CCDC90B: variants seen among roughly 807,000 people sequenced by gnomAD.
CCDC90B encodes coiled-coil domain-containing protein 90B, mitochondrial.
CCDC90B carries 24 observed loss-of-function variants against 37.0 expected under a neutral mutation model. That is an observed-to-expected ratio of 0.65 (90% CI 0.47 to 0.91). The LOEUF (loss-of-function observed/expected upper bound fraction) is 0.91. Ranked by LOEUF, CCDC90B falls within the 40% of genes least tolerant of loss-of-function variation. The pLI is 0.00. For missense variants in CCDC90B, 319 were observed against 299.0 expected (o/e 1.07, Z -0.49); for synonymous variants, 113 against 101.1 (o/e 1.12, Z -0.71).
chr11:83,266,010 T>G (rs1864244146), intron 7 of CCDC90B, 31 bp from the exon 8 acceptor site: 1 of 1,190,082 alleles, frequency 8.4e-7, no homozygotes, highest in African/African-American at 1.5e-5. Context: ...AGAACTTAAT[T>G]TTGTCCCTAT....
chr11:83,267,545 C>T (rs78782379), intron 7 of CCDC90B: 34 of 151,744 alleles, frequency 2.2e-4, no homozygotes, highest in African/African-American at 7.5e-4. Context: ...TGAAATAAAG[C>T]GAGAAGACAA....
intron 4 of CCDC90B, chr11:83,274,310 G>C (rs1233575762): frequency 7.1e-6 from 2 of 283,084 alleles, no homozygotes; most frequent in Admixed American, 9.8e-5. Context: ...AAGACATTTA[G>C]TACAGGATTA....
intron 2 of CCDC90B, among the ~76,000 whole-genome samples, chr11:83,279,616 G>C (rs1248338123): frequency 6.6e-6 from 1 of 151,994 alleles, no homozygotes; most frequent in Non-Finnish European, 1.5e-5. Flanking sequence ...TCAATAAGGG[G>C]ATCTAATATA....
Position 83,273,684 on chromosome 11 carries a change from T to C in CCDC90B, c.557A>G (p.Lys186Arg), listed in dbSNP as rs146528114. ...TTCTGTAGTTGTTTCCATAAGTTGC[T>C]TTTCTTGATCTGTAAACTATAGGAT... ...RVTDMFTDQE[K>R]QLMETTTEFT... Residue 186 changes from lysine to arginine, a missense_variant, in exon 7 of 9, where the codon AAG becomes AGG. Physicochemically the swap from Lys to Arg is conservative, Grantham distance 26. Transcript: ENST00000529689. The C allele has an allele frequency of 6.2e-5, 99 of 1,602,878 alleles. No homozygotes were observed. The African/African-American group carries it at 1.1e-3, about 19-fold the overall frequency.
rs1171771514 is a variant in CCDC90B at position 83,260,438 on chromosome 11, G to A, written c.*1473C>T. ...TATAATATACTAAGAACTCTCTTAG[G>A]CAATAGAGATAAAAATGAATCAGAA... On this transcript the variant is annotated 3_prime_UTR_variant, in exon 9 of 9. Transcript: ENST00000529689. The A allele has an allele frequency of 1.3e-5, 2 of 152,084 alleles. No individual in the cohort carries two copies. The highest frequency in any genetic ancestry group is 2.9e-5 in the Non-Finnish European group (2 of 68,014). The allele number at this position is 152,084 out of a possible 1,614,324, so 9.4% of individuals were successfully genotyped here.
chr11:83,275,033 T>G (rs1033236055), intron 3 of CCDC90B, among the ~76,000 whole-genome samples: 1 of 152,118 alleles, frequency 6.6e-6, no homozygotes, highest in African/African-American at 2.4e-5. Flanking sequence ...AAAATAATGT[T>G]TTGTTCTTAT....
At chr11:83,269,825 G>A (rs1864542203) in intron 7 of CCDC90B, among the ~76,000 whole-genome samples, 1 of 152,162 alleles carries the variant, frequency 6.6e-6, no homozygotes, top group Admixed American at 6.5e-5. Context: ...ACATCATCCT[G>A]ATACCAAAGC....
rs150010291 is a variant in CCDC90B at position 83,271,582 on chromosome 11, T to C, written c.594+2065A>G. On this transcript the variant is annotated intron_variant, in intron 7 of 8. Transcript: ENST00000529689. ...ACAATGAGATACCATCTCACACCAG[T>C]TGGAATGGCAGTCATTAAAAAGTCA... is the stretch of plus-strand genomic sequence containing the variant. 6.8e-3 allele frequency among the ~76,000 whole-genome samples: 1,038 copies of C among 152,160 alleles called. 14 individuals carry two copies. Among genetic ancestry groups the C allele is most frequent in the East Asian group, 0.011 (57 of 5,168 alleles).
At chr11:83,270,853 A>C (rs1190709453) in intron 7 of CCDC90B, among the ~76,000 whole-genome samples, 2 of 152,384 alleles carry the variant, frequency 1.3e-5, no homozygotes, top group African/African-American at 4.8e-5. Flanking sequence ...TGGAGGCATC[A>C]AGCTACCTGA....
rs2135593440 is a variant in CCDC90B at position 83,265,991 on chromosome 11, C to G, written c.595-12G>C. ...TTGGTTTGAGTATCCTGTGGTAAAC[C>G]AGAATAAGAGAACTTAATTTTGTCC... On this transcript the variant is annotated splice_polypyrimidine_tract_variant and intron_variant, in intron 7 of 8. Coordinates refer to ENST00000529689, the MANE Select transcript of CCDC90B (RefSeq NM_021825.5). 1.4e-6 allele frequency: 2 copies of G among 1,421,562 alleles called. No homozygotes were observed. The highest frequency in any genetic ancestry group is 2.3e-5 in the East Asian group (1 of 43,810). The allele number at this position is 1,421,562 out of a possible 1,614,324, so 88.1% of individuals were successfully genotyped here.
intron 8 of CCDC90B, among the ~76,000 whole-genome samples, chr11:83,263,624 C>T (rs7125152): frequency 0.017 from 2,563 of 152,246 alleles, 72 homozygotes; most frequent in African/African-American, 0.058. Context: ...TGTTCTGGGT[C>T]AAAAGGTGGC....
rs1399071883 is a variant in CCDC90B, at chr11:83,285,791, G to A, written c.100+82C>T. The A allele has an allele frequency of 1.7e-5, 25 of 1,512,156 alleles. No individual in the cohort carries two copies. The Admixed American group carries it at 5.3e-4, about 32-fold the overall frequency. 93.7% of individuals were successfully genotyped at this position (1,512,156 alleles called of 1,614,324 possible). A position where few individuals can be genotyped will look rare whatever the true frequency, so the allele number is the denominator to read the frequency against. ...GGAGGGCGTGGCACCTTCTCTTCCC[G>A]TTCGCTCGAGCAGGCGCGACCCCAC... On this transcript the variant is annotated intron_variant, in intron 1 of 8. Coordinates refer to ENST00000529689, the MANE Select transcript of CCDC90B (RefSeq NM_021825.5).
intron 3 of CCDC90B, among the ~76,000 whole-genome samples, chr11:83,277,380 T>A (rs1010860119): frequency 6.6e-6 from 1 of 152,212 alleles, no homozygotes; most frequent in Admixed American, 6.5e-5. Flanking sequence ...TAAAAATGCA[T>A]GTACAAACTT....
At chr11:83,277,695 C>T (rs1038579826) in intron 3 of CCDC90B, among the ~76,000 whole-genome samples, 1 of 151,630 alleles carries the variant, frequency 6.6e-6, no homozygotes, top group African/African-American at 2.4e-5. Flanking sequence ...AGTGTTTCAC[C>T]TTATTGGCCA....
intron 7 of CCDC90B, among the ~76,000 whole-genome samples, chr11:83,269,864 T>A (rs1221930593): frequency 2.0e-5 from 3 of 152,136 alleles, no homozygotes; most frequent in Non-Finnish European, 4.4e-5. Context: ...AAAAAGAATT[T>A]CAGAGCAATA....
chr11:83,278,811 G>C lies in CCDC90B; in HGVS notation c.239C>G (p.Ala80Gly), dbSNP rs1306688563. ...LETHGFDKTQ[A>G]ETIVSALTAL... ...AGTTAACGCTGATACAATTGTTTCT[G>C]CTTGTGTTTTGTCAAATCCTGTAGG... Residue 80 changes from alanine (A) to glycine (G), a missense_variant, in exon 3 of 9, where the codon GCA (alanine) becomes GGA (glycine). Ala to Gly is a moderately conservative substitution (Grantham distance 60). Transcript: ENST00000529689. The C allele has an allele frequency of 6.2e-7, 1 of 1,612,974 alleles. No homozygotes were observed. The highest frequency in any genetic ancestry group is 1.7e-5 in the Admixed American group (1 of 59,990).
At chr11:83,267,975 C>T (rs1864394747) in intron 7 of CCDC90B, among the ~76,000 whole-genome samples, 1 of 152,126 alleles carries the variant, frequency 6.6e-6, no homozygotes, top group Non-Finnish European at 1.5e-5. Flanking sequence ...ATAGAATTTT[C>T]AACCCAGAAT....
At position 83,274,726 on chromosome 11, in the gene CCDC90B, T is replaced by C. The variant is rs1336527892; in HGVS notation, c.339A>G (p.Gln113=). 3 of 1,607,500 alleles carry C rather than the reference T, an allele frequency of 1.9e-6. No individual in the cohort carries two copies. The highest frequency in any genetic ancestry group is 2.7e-5 in the African/African-American group (2 of 74,748). The change falls in exon 4 of 9, where the codon CAA becomes CAG. Residue 113 remains glutamine, a synonymous_variant. Coordinates refer to ENST00000529689, the MANE Select transcript of CCDC90B (RefSeq NM_021825.5). ...VTQAQQEITV[Q]QLMAHLDAIR... ...TAGCATCCAAATGAGCCATTAGCTGTTGTACTGTTATTTCCTAGAAAACAA... is the reference window on the plus strand; with the variant it reads ...TAGCATCCAAATGAGCCATTAGCTGCTGTACTGTTATTTCCTAGAAAACAA...
At chr11:83,268,978 C>G (rs1427644624) in intron 7 of CCDC90B, among the ~76,000 whole-genome samples, 1 of 152,218 alleles carries the variant, frequency 6.6e-6, no homozygotes, top group Non-Finnish European at 1.5e-5. Context: ...AACTGCACAA[C>G]TACATGGAAA....
Sources: allele counts gnomAD v4.1 joint callset (sites outside exome capture counted in the v4.1 genomes callset), GRCh38; gene constraint gnomAD v4.1.1; transcripts MANE v1.5; gene names NCBI Gene and HGNC (gene_info 2026-07-23, HGNC 2026-07-21).